Variants in GNA14 observed in about 807,000 individuals in gnomAD.
GNA14 encodes G protein subunit alpha 14.
In GNA14, 50 loss-of-function variants were observed where a neutral mutation model predicts 42.0. The ratio of observed to expected loss-of-function variants is 1.19; its 90% CI spans 0.95 to 1.51. GNA14 has a LOEUF of 1.51. Among genes scored for constraint, GNA14 ranks in the 40% most tolerant of loss-of-function variants. GNA14 has a pLI of 0.00. For synonymous variants in GNA14, 173 were observed against 163.1 expected (o/e 1.06, Z -0.46); for missense variants, 473 against 446.2 (o/e 1.06, Z -0.54).
intron 2 of GNA14, among the ~76,000 whole-genome samples, chr9:77,485,394 A>G (rs895385833): frequency 2.0e-5 from 3 of 152,108 alleles, no homozygotes; most frequent in Non-Finnish European, 4.4e-5. Flanking sequence ...CTCCTACCAC[A>G]TCTGTAATTA....
At chr9:77,520,702 T>G (rs1399763932) in intron 2 of GNA14, among the ~76,000 whole-genome samples, 2 of 152,118 alleles carry the variant, frequency 1.3e-5, no homozygotes, top group Non-Finnish European at 2.9e-5. Flanking sequence ...TGCTTGCAAT[T>G]TAAAAGACTC....
chr9:77,592,401 A>C (rs1387497422), intron 1 of GNA14, among the ~76,000 whole-genome samples: 1 of 152,212 alleles, frequency 6.6e-6, no homozygotes, highest in Non-Finnish European at 1.5e-5. Context: ...TGCTTTTATT[A>C]GTTGTCAGAA....
intron 2 of GNA14, among the ~76,000 whole-genome samples, chr9:77,467,406 GA>G (rs771075706): frequency 3.3e-5 from 5 of 151,660 alleles, no homozygotes; most frequent in Non-Finnish European, 5.9e-5. Flanking sequence ...GTTCCTGAGT[GA>G]ATACAGCCTT....
chr9:77,608,679 C>T (rs1026667311), intron 1 of GNA14, among the ~76,000 whole-genome samples: 1 of 149,312 alleles, frequency 6.7e-6, no homozygotes, highest in African/African-American at 2.4e-5. Context: ...AGCATGTTCA[C>T]AGCCAAATGG....
chr9:77,610,648 CAAACTT>C (rs1823715767), intron 1 of GNA14, among the ~76,000 whole-genome samples: 1 of 152,136 alleles, frequency 6.6e-6, no homozygotes, highest in Non-Finnish European at 1.5e-5. Context: ...TCTACACTCA[CAAACTT>C]AAAGCTAAAT....
chr9:77,554,738 G>A (rs12377293), intron 1 of GNA14, among the ~76,000 whole-genome samples: 14,661 of 152,220 alleles, frequency 0.096, 771 homozygotes, highest in South Asian at 0.16. Context: ...TCTCCTGTCT[G>A]CTCCAAATTG....
At chr9:77,451,470 G>A (rs1000376471) in intron 2 of GNA14, among the ~76,000 whole-genome samples, 17 of 152,132 alleles carry the variant, frequency 1.1e-4, no homozygotes, top group Non-Finnish European at 2.4e-4. Flanking sequence ...TATTGATAAA[G>A]AGGTCTGTTC....
chr9:77,447,810 T>C (rs1835847985), intron 2 of GNA14, among the ~76,000 whole-genome samples: 1 of 152,180 alleles, frequency 6.6e-6, no homozygotes, highest in East Asian at 1.9e-4. Flanking sequence ...CATGGTGGAC[T>C]TTGCCTCTGG....
At chr9:77,514,844 T>A (rs1484523070) in intron 2 of GNA14, among the ~76,000 whole-genome samples, 5 of 152,100 alleles carry the variant, frequency 3.3e-5, no homozygotes, top group South Asian at 2.1e-4. Context: ...CGATCTCCTG[T>A]CCTTGTGATC....
intron 1 of GNA14, among the ~76,000 whole-genome samples, chr9:77,608,297 A>C (rs1823670655): frequency 6.6e-6 from 1 of 152,180 alleles, no homozygotes; most frequent in African/African-American, 2.4e-5. Flanking sequence ...ATGGATTTTG[A>C]ATGTGCATAA....
intron 2 of GNA14, among the ~76,000 whole-genome samples, chr9:77,459,766 T>C (rs913150969): frequency 2.0e-5 from 3 of 152,214 alleles, no homozygotes; most frequent in Admixed American, 6.5e-5. Context: ...TGTGTCCTTA[T>C]TTGACCCCAG....
At chr9:77,595,308 T>G (rs908278334) in intron 1 of GNA14, among the ~76,000 whole-genome samples, 6 of 152,196 alleles carry the variant, frequency 3.9e-5, no homozygotes, top group African/African-American at 1.4e-4. Flanking sequence ...TAAATGGGAA[T>G]GTGCCTGCTC....
At position 77,480,223 on chromosome 9, in the gene GNA14, C is replaced by T. The variant is rs531646712; in HGVS notation, c.310-45701G>A. On this transcript the variant is annotated intron_variant, in intron 2 of 6. Transcript: ENST00000341700. ...AGCTCTTATTATTTTGAGATATGTC[C>T]GATCACAACCTAGTTTATTGAGAGT... Among the ~76,000 whole-genome samples the T allele has an allele frequency of 1.6e-4, 24 of 152,198 alleles. No homozygotes were observed. In the South Asian group the frequency reaches 2.9e-3, roughly 18 times the overall value.
At chr9:77,519,139 G>A (rs952629144) in intron 2 of GNA14, among the ~76,000 whole-genome samples, 5 of 152,272 alleles carry the variant, frequency 3.3e-5, no homozygotes, top group Non-Finnish European at 4.4e-5. Context: ...GGCCGGACAA[G>A]GTGGCTCATA....
intron 1 of GNA14, among the ~76,000 whole-genome samples, chr9:77,581,407 C>T (rs531967813): frequency 2.6e-4 from 40 of 152,290 alleles, no homozygotes; most frequent in African/African-American, 9.4e-4. Context: ...CTGGTTTCCT[C>T]ATATGTAAAA....
At chr9:77,458,579 AAAC>A (rs1253364506) in intron 2 of GNA14, among the ~76,000 whole-genome samples, 1 of 152,180 alleles carries the variant, frequency 6.6e-6, no homozygotes. Context: ...GATTTCGGAT[AAAC>A]AACAAACGCT....
At chr9:77,601,264 T>A (rs1018985761) in intron 1 of GNA14, among the ~76,000 whole-genome samples, 6 of 152,106 alleles carry the variant, frequency 3.9e-5, no homozygotes, top group African/African-American at 1.4e-4. Context: ...TGTGCCTAAC[T>A]TTTCCTGGTC....
intron 2 of GNA14, among the ~76,000 whole-genome samples, chr9:77,521,459 A>C (rs1837353408): frequency 6.6e-6 from 1 of 151,876 alleles, no homozygotes; most frequent in Non-Finnish European, 1.5e-5. Context: ...GCCCCGAAAA[A>C]CTCTCCAATA....
Position 77,514,815 on chromosome 9 carries a change from G to A in GNA14, c.309+14254C>T, listed in dbSNP as rs185519152. Among the ~76,000 whole-genome samples, 630 of 152,182 alleles carry A rather than the reference G, an allele frequency of 4.1e-3. 3 individuals are homozygous for A. Among genetic ancestry groups the A allele is most frequent in the Middle Eastern group, 0.014 (4 of 294 alleles). The stretch of plus-strand genomic sequence containing the variant: ...TTTTTAGTGGAGACGGGGTTTCACC[G>A]TGTTAGCCAGGATAGTCTCGATCTC... On this transcript the variant is annotated intron_variant, in intron 2 of 6. Transcript: ENST00000341700.
Sources: gnomAD v4.1 joint callset for allele counts (sites outside exome capture counted in the v4.1 genomes callset) on GRCh38, gnomAD v4.1.1 for gene constraint, MANE v1.5 for transcripts, NCBI Gene and HGNC (gene_info 2026-07-23, HGNC 2026-07-21) for gene names.